USH2A: variants seen among roughly 807,000 people sequenced by gnomAD.
USH2A encodes the protein Usher syndrome 2A (autosomal recessive, mild).
Under a neutral mutation model 538.9 loss-of-function variants are expected in USH2A, and 443 were observed. The ratio of observed to expected loss-of-function variants is 0.82; its 90% CI spans 0.76 to 0.89. USH2A has a LOEUF of 0.89. USH2A is among the 40% of genes least tolerant of loss of function. The pLI is 0.00. For missense variants in USH2A, 6,633 were observed against 6,324.8 expected (o/e 1.05, Z -1.65); for synonymous variants, 2,413 against 2,273.5 (o/e 1.06, Z -1.75).
chr1:215,713,511 C>G (rs1483986366), intron 61 of USH2A, among the ~76,000 whole-genome samples: 1 of 151,994 alleles, frequency 6.6e-6, no homozygotes, highest in Non-Finnish European at 1.5e-5. Flanking sequence ...AAAAATATTC[C>G]CCATGTGACC....
intron 3 of USH2A, among the ~76,000 whole-genome samples, chr1:216,402,835 A>G (rs1226103577): frequency 6.6e-6 from 1 of 152,158 alleles, no homozygotes; most frequent in Non-Finnish European, 1.5e-5. Context: ...TCAAACATAC[A>G]ACATAATAAA....
intron 64 of USH2A, among the ~76,000 whole-genome samples, chr1:215,657,976 C>G (rs573621972): frequency 6.8e-6 from 1 of 147,598 alleles, no homozygotes; most frequent in South Asian, 2.2e-4. Context: ...CTCTGTTGCC[C>G]AGGCTGGAGT....
chr1:215,743,436 A>ATGTGTGTG (rs1491453754), intron 58 of USH2A, 101 bp from the exon 59 acceptor site: 9 of 305,728 alleles, frequency 2.9e-5, no homozygotes, highest in African/African-American at 2.5e-4. Flanking sequence ...ATAGACACAC[A>ATGTGTGTG]TATATATATA....
At position 216,157,022 on chromosome 1, in the gene USH2A, C is replaced by T. The variant is rs144692575; in HGVS notation, c.4627+18230G>A. Among the ~76,000 whole-genome samples the T allele has an allele frequency of 3.4e-3, 512 of 152,020 alleles. 4 individuals carry two copies. The highest frequency in any genetic ancestry group is 0.012 in the African/African-American group (490 of 41,472). On this transcript the variant is annotated intron_variant, in intron 21 of 71. Coordinates refer to ENST00000307340, the MANE Select transcript of USH2A (RefSeq NM_206933.4). The stretch of plus-strand genomic sequence containing the variant: ...CTGAGTAGCTGGGATTACAGGCACA[C>T]ACCACCATGCCCAGCTAATTTTTGT...
intron 30 of USH2A, among the ~76,000 whole-genome samples, chr1:216,050,071 C>T (rs1246487940): frequency 6.6e-6 from 1 of 152,206 alleles, no homozygotes; most frequent in Non-Finnish European, 1.5e-5. Context: ...TTGTCATTTC[C>T]TGTTAAATCT....
intron 61 of USH2A, among the ~76,000 whole-genome samples, chr1:215,714,305 G>C (rs548140755): frequency 6.6e-6 from 1 of 152,284 alleles, no homozygotes; most frequent in South Asian, 2.1e-4. Flanking sequence ...AGGGAGAGTG[G>C]AGTGAAATTG....
At chr1:215,968,792 T>G (rs1324959868) in intron 36 of USH2A, among the ~76,000 whole-genome samples, 1 of 152,194 alleles carries the variant, frequency 6.6e-6, no homozygotes, top group African/African-American at 2.4e-5. Flanking sequence ...AATTTTTTAT[T>G]TAAAATGTCA....
intron 3 of USH2A, among the ~76,000 whole-genome samples, chr1:216,401,563 C>G (rs960501066): frequency 2.0e-5 from 3 of 151,956 alleles, no homozygotes; most frequent in Admixed American, 2.0e-4. Flanking sequence ...ACAACATTCA[C>G]TTCATGGACA....
In USH2A at chr1:216,213,162, T is replaced by C. The variant is rs576779278; in HGVS notation, c.3157+4225A>G. Among the ~76,000 whole-genome samples, 10 of 152,260 alleles carry C rather than the reference T, an allele frequency of 6.6e-5. No homozygotes were observed. In the East Asian group the frequency reaches 1.9e-3, roughly 29 times the overall value. ...TTTCAAATTATTCATTGCTGGCTTA[T>C]AGAAACACAACTAATTTTGTGTGTT... On this transcript the variant is annotated intron_variant, in intron 15 of 71. Coordinates refer to ENST00000307340, the MANE Select transcript of USH2A (RefSeq NM_206933.4).
At chr1:216,278,701 T>C (rs761700143) in intron 11 of USH2A, among the ~76,000 whole-genome samples, 51 of 152,334 alleles carry the variant, frequency 3.3e-4, no homozygotes, top group Admixed American at 9.2e-4. Flanking sequence ...AGGAAACTTA[T>C]GCAATACTTA....
At chr1:216,094,954 A>AGG (rs1193254643) in intron 22 of USH2A, among the ~76,000 whole-genome samples, 15 of 131,734 alleles carry the variant, frequency 1.1e-4, no homozygotes, top group South Asian at 2.4e-4. Flanking sequence ...GTGCGTGTGT[A>AGG]GGTGTGTGTG....
intron 41 of USH2A, 100 bp from the exon 42 acceptor site, chr1:215,879,198 A>G (rs1264253364): frequency 2.0e-6 from 2 of 1,019,394 alleles, no homozygotes; most frequent in South Asian, 1.3e-5. Flanking sequence ...CAGTTAAGTC[A>G]TTTTCTAAAT....
intron 4 of USH2A, among the ~76,000 whole-genome samples, chr1:216,335,473 C>A (rs1349567948): frequency 1.3e-5 from 2 of 151,074 alleles, no homozygotes; most frequent in Non-Finnish European, 3.0e-5. Context: ...AGAAAAACAA[C>A]AAGAAAAACA....
intron 64 of USH2A, among the ~76,000 whole-genome samples, chr1:215,665,717 G>A (rs1418028122): frequency 6.6e-6 from 1 of 152,190 alleles, no homozygotes; most frequent in Non-Finnish European, 1.5e-5. Flanking sequence ...GGTTCACACT[G>A]CATGTATTAG....
chr1:216,283,944 G>A (rs2036833857), intron 11 of USH2A, among the ~76,000 whole-genome samples: 1 of 151,966 alleles, frequency 6.6e-6, no homozygotes, highest in African/African-American at 2.4e-5. Context: ...GCCATAGCTT[G>A]GATAGAACTG....
intron 30 of USH2A, among the ~76,000 whole-genome samples, chr1:216,048,954 A>G (rs537005724): frequency 2.0e-5 from 3 of 152,330 alleles, no homozygotes; most frequent in African/African-American, 7.2e-5. Context: ...GCAGAGCACA[A>G]TGTTTCCAAT....
In USH2A at chr1:216,315,986, C is replaced by A. The variant is rs138614631; in HGVS notation, c.1644+5897G>T. On this transcript the variant is annotated intron_variant, in intron 9 of 71. Transcript: ENST00000307340. ...AGCCTAGTAAATTAAGCATTTACTG[C>A]TTTTTTTTCATTCTTGGAAAGAAAT... Among the ~76,000 whole-genome samples the A allele has an allele frequency of 2.1e-4, 32 of 151,868 alleles. No homozygotes were observed. The East Asian group carries it at 3.9e-3, about 18-fold the overall frequency.
intron 21 of USH2A, among the ~76,000 whole-genome samples, chr1:216,108,333 T>C (rs1256680003): frequency 6.6e-6 from 1 of 151,964 alleles, no homozygotes; most frequent in African/African-American, 2.4e-5. Flanking sequence ...CTTCATTCAT[T>C]TCATTGTTTT....
chr1:216,060,567 A>C (rs572688122), intron 30 of USH2A, among the ~76,000 whole-genome samples: 80 of 152,346 alleles, frequency 5.3e-4, no homozygotes, highest in Non-Finnish European at 5.0e-4. Context: ...TTGCCAAACT[A>C]TAGCAAATAG....
Sources: allele counts gnomAD v4.1 joint callset (sites outside exome capture counted in the v4.1 genomes callset), GRCh38; gene constraint gnomAD v4.1.1; transcripts MANE v1.5; gene names NCBI Gene and HGNC (gene_info 2026-07-23, HGNC 2026-07-21).